The following SEMA5B variants were observed in gnomAD, a reference collection of about 807,000 sequenced individuals.
SEMA5B encodes the protein semaphorin-5B.
In SEMA5B, 66 loss-of-function variants were observed where a neutral mutation model predicts 135.0. The observed-to-expected ratio is 0.49, with a 90% confidence interval of 0.40 to 0.60. The LOEUF is 0.60. Ranked by LOEUF, SEMA5B falls within the 20% of genes least tolerant of loss-of-function variation. SEMA5B has a pLI of 0.00. For missense variants in SEMA5B, 1,501 were observed against 1,566.3 expected (o/e 0.96, Z 0.70); for synonymous variants, 690 against 639.5 (o/e 1.08, Z -1.19).
intron 1 of SEMA5B, among the ~76,000 whole-genome samples, chr3:122,982,906 G>A (rs554799434): frequency 6.6e-6 from 1 of 152,362 alleles, no homozygotes; most frequent in Non-Finnish European, 1.5e-5. Flanking sequence ...TCAGTTCCCA[G>A]GCCTGTCCAC....
chr3:122,936,471 C>G (rs545917115), intron 5 of SEMA5B, among the ~76,000 whole-genome samples: 4 of 152,128 alleles, frequency 2.6e-5, no homozygotes, highest in African/African-American at 7.2e-5. Flanking sequence ...TGCCCAGGCC[C>G]GAACAAAGCC....
At chr3:122,974,563 G>A (rs960871793) in intron 1 of SEMA5B, among the ~76,000 whole-genome samples, 15 of 152,154 alleles carry the variant, frequency 9.9e-5, no homozygotes, top group Non-Finnish European at 1.6e-4. Flanking sequence ...ACACGTGCCT[G>A]AGGACTTCTC....
chr3:122,995,018 G>C (rs1287268211), intron 1 of SEMA5B, among the ~76,000 whole-genome samples: 1 of 152,154 alleles, frequency 6.6e-6, no homozygotes, highest in Non-Finnish European at 1.5e-5. Context: ...TTTAGCAGGA[G>C]GGAAGCCGGG....
chr3:122,922,359 G>A lies in SEMA5B; in HGVS notation c.1361C>T (p.Ala454Val). 6.2e-7 allele frequency: 1 copy of A among 1,613,356 alleles called. No homozygotes were observed. The highest frequency in any genetic ancestry group is 8.5e-7 in the Non-Finnish European group (1 of 1,179,734). ...GGGCTCGGGTGTCACCGGCTGCACGGCCTCGCTCATCAGGAAGAGGCGCTG... is the reference window on the plus strand; with the variant it reads ...GGGCTCGGGTGTCACCGGCTGCACGACCTCGCTCATCAGGAAGAGGCGCTG... ...DAQRLFLMSEAVQPVTPEPCV... is the reference protein window; with the variant it reads ...DAQRLFLMSEVVQPVTPEPCV... The change falls in exon 11 of 23, where the codon GCC becomes GTC. Residue 454 changes from alanine (A) to valine (V), a missense_variant. Coordinates refer to ENST00000357599, the MANE Select transcript of SEMA5B (RefSeq NM_001031702.4).
At position 123,022,000 on chromosome 3, in the gene SEMA5B, T is replaced by C. The variant is rs535617801; in HGVS notation, c.-39+5464A>G. Among the ~76,000 whole-genome samples the C allele has an allele frequency of 7.9e-5, 12 of 152,266 alleles. 1 individual carries two copies. In the South Asian group the frequency reaches 2.5e-3, roughly 32 times the overall value. On this transcript the variant is annotated intron_variant, in intron 1 of 22. Coordinates refer to ENST00000357599, the MANE Select transcript of SEMA5B (RefSeq NM_001031702.4). ...ACTGGAAACTATCCTGAGACTCACA[T>C]TCCCCACAAAGAATCCACAGAAAAG...
intron 2 of SEMA5B, among the ~76,000 whole-genome samples, chr3:122,955,136 C>G (rs1378315308): frequency 6.6e-6 from 1 of 150,420 alleles, no homozygotes; most frequent in Non-Finnish European, 1.5e-5. Context: ...TAGACCGTGT[C>G]TCTAAAAAAA....
At chr3:123,009,110 A>C (rs1383678945) in intron 1 of SEMA5B, among the ~76,000 whole-genome samples, 1 of 152,196 alleles carries the variant, frequency 6.6e-6, no homozygotes, top group Non-Finnish European at 1.5e-5. Flanking sequence ...TTCTTTATGG[A>C]CAGAGCGGCT....
chr3:122,983,725 A>C (rs1161101938), intron 1 of SEMA5B, among the ~76,000 whole-genome samples: 15 of 95,462 alleles, frequency 1.6e-4, no homozygotes, highest in Non-Finnish European at 2.7e-4. Flanking sequence ...TCAAAAAAAA[A>C]AAAAAAAAAA....
At chr3:122,987,200 G>T (rs551579055) in intron 1 of SEMA5B, among the ~76,000 whole-genome samples, 2 of 152,066 alleles carry the variant, frequency 1.3e-5, no homozygotes. Flanking sequence ...AGATTGGAGA[G>T]GGTAAAGTCC....
Position 122,922,511 on chromosome 3 carries a change from T to C in SEMA5B, c.1273-64A>G, listed in dbSNP as rs939720262. ...AGGGCTGCCGCCATCCCCCGCCGGC[T>C]CCCTCCTCCTGGCAACCCAGGTGGC... On this transcript the variant is annotated intron_variant, in intron 10 of 22. Transcript: ENST00000357599. 15 of 1,468,096 alleles carry C rather than the reference T, an allele frequency of 1.0e-5. No individual in the cohort carries two copies. The African/African-American group carries it at 2.1e-4, about 21-fold the overall frequency. 90.9% of individuals were successfully genotyped at this position (1,468,096 alleles called of 1,614,324 possible). A position where few individuals can be genotyped will look rare whatever the true frequency, so the allele number is the denominator to read the frequency against.
At chr3:122,992,358 G>A (rs115559943) in intron 1 of SEMA5B, among the ~76,000 whole-genome samples, 1,526 of 152,272 alleles carry the variant, frequency 0.01, 31 homozygotes, top group African/African-American at 0.034. Context: ...AAGCCACATG[G>A]CCAGGGAAAG....
chr3:122,967,109 C>A (rs984704174), intron 1 of SEMA5B, among the ~76,000 whole-genome samples: 1 of 148,042 alleles, frequency 6.8e-6, no homozygotes, highest in Non-Finnish European at 1.5e-5. Flanking sequence ...GATCTTGAAC[C>A]CCCGACCTCA....
At chr3:122,956,028 C>T (rs536273272) in intron 2 of SEMA5B, among the ~76,000 whole-genome samples, 169 of 152,322 alleles carry the variant, frequency 1.1e-3, no homozygotes, top group South Asian at 2.3e-3. Context: ...GCACAGACAG[C>T]GACCCATGGC....
intron 5 of SEMA5B, among the ~76,000 whole-genome samples, chr3:122,936,702 C>G (rs1368821033): frequency 1.3e-5 from 2 of 152,192 alleles, no homozygotes; most frequent in African/African-American, 4.8e-5. Context: ...CAATCACTAG[C>G]CTCCTTTTCT....
At chr3:122,929,877 T>C (rs34065878) in intron 5 of SEMA5B, among the ~76,000 whole-genome samples, 33,314 of 152,142 alleles carry the variant, frequency 0.22, 3,796 homozygotes, top group Middle Eastern at 0.32. Flanking sequence ...ACCCAGGATC[T>C]CTTCTTCCCC....
chr3:122,966,121 C>T (rs780654149), intron 1 of SEMA5B, among the ~76,000 whole-genome samples: 15 of 152,158 alleles, frequency 9.9e-5, no homozygotes, highest in Non-Finnish European at 1.9e-4. Flanking sequence ...AAGTTCCCTC[C>T]TCCTCCCCAC....
At chr3:122,928,054 C>T in intron 7 of SEMA5B, 51 bp from the exon 8 acceptor site, 1 of 1,318,004 alleles carries the variant, frequency 7.6e-7, no homozygotes, top group Non-Finnish European at 1.0e-6. Context: ...CCTGGGGCTG[C>T]CTGTTCTTTC....
At chr3:122,956,440 C>T (rs1940309002) in intron 2 of SEMA5B, among the ~76,000 whole-genome samples, 1 of 152,152 alleles carries the variant, frequency 6.6e-6, no homozygotes, top group Admixed American at 6.5e-5. Flanking sequence ...TTTGCTGTAA[C>T]AGGGGGAGTG....
chr3:122,967,246 A>T (rs562134563), intron 1 of SEMA5B, among the ~76,000 whole-genome samples: 1 of 152,280 alleles, frequency 6.6e-6, no homozygotes, highest in African/African-American at 2.4e-5. Context: ...TTATCGCAGC[A>T]ATTATTCACT....
Sources: gnomAD v4.1 joint callset for allele counts (sites outside exome capture counted in the v4.1 genomes callset) on GRCh38, gnomAD v4.1.1 for gene constraint, MANE v1.5 for transcripts, NCBI Gene and HGNC (gene_info 2026-07-23, HGNC 2026-07-21) for gene names.